CENPW: variants seen among roughly 807,000 people sequenced by gnomAD.
CENPW encodes cancer-up-regulated gene 2 protein.
Under a neutral mutation model 11.1 loss-of-function variants are expected in CENPW, and 3 were observed. The observed-to-expected ratio is 0.27, with a 90% CI of 0.12 to 0.70. CENPW has a LOEUF of 0.70. Among genes scored for constraint, CENPW ranks in the 30% least tolerant of loss-of-function variants. The probability of loss-of-function intolerance (pLI) is 0.77; values close to 1 mark genes in which losing one functional copy is unlikely to be tolerated. For synonymous variants in CENPW, 38 were observed against 42.0 expected (o/e 0.91, Z 0.37); for missense variants, 100 against 105.6 (o/e 0.95, Z 0.23).
chr6:126,401,120 A>G, the CENPW span, among the ~76,000 whole-genome samples: 1 of 152,126 alleles, frequency 6.6e-6, no homozygotes, highest in African/African-American at 2.4e-5. Context: ...GATAGCCAGA[A>G]TCTTGTGTAA....
At chr6:126,385,255 G>T in the CENPW span, among the ~76,000 whole-genome samples, 1,270 of 152,064 alleles carry the variant, frequency 8.4e-3, 13 homozygotes, top group African/African-American at 0.029. Context: ...CCCATTACTG[G>T]GTATATACCC....
the CENPW span, among the ~76,000 whole-genome samples, chr6:126,473,565 C>T: frequency 9.9e-5 from 15 of 151,596 alleles, no homozygotes; most frequent in Admixed American, 6.6e-5. Flanking sequence ...AACCTGTCTC[C>T]ACTAAAAATA....
chr6:126,450,993 G>A, the CENPW span, among the ~76,000 whole-genome samples: 1,746 of 150,794 alleles, frequency 0.012, 70 homozygotes, highest in Admixed American at 0.072. Context: ...ATGTAACCCA[G>A]AAGAAAAAGA....
the CENPW span, among the ~76,000 whole-genome samples, chr6:126,359,562 T>G: frequency 2.0e-5 from 3 of 152,272 alleles, no homozygotes; most frequent in African/African-American, 7.2e-5. Context: ...GTCTAAGTTT[T>G]TTCCTAGGTC....
At chr6:126,415,793 A>G in the CENPW span, among the ~76,000 whole-genome samples, 1 of 152,210 alleles carries the variant, frequency 6.6e-6, no homozygotes, top group Non-Finnish European at 1.5e-5. Context: ...CATGATTGTG[A>G]GGCCTCCCCA....
At chr6:126,374,079 A>T in the CENPW span, among the ~76,000 whole-genome samples, 1 of 152,192 alleles carries the variant, frequency 6.6e-6, no homozygotes, top group Non-Finnish European at 1.5e-5. Flanking sequence ...AGGTATAGAG[A>T]TCACAGGGAT....
chr6:126,454,329 G>A, the CENPW span, among the ~76,000 whole-genome samples: 7 of 151,022 alleles, frequency 4.6e-5, no homozygotes, highest in African/African-American at 1.7e-4. Flanking sequence ...CCATAAAACA[G>A]TCCTCAGCAA....
intron 2 of CENPW, 52 bp from the exon 3 acceptor site, chr6:126,348,414 T>C (rs1780449419): frequency 2.1e-6 from 2 of 956,966 alleles, no homozygotes; most frequent in African/African-American, 1.6e-5. Flanking sequence ...TAAGGAATGA[T>C]GTTTTATTTT....
At chr6:126,346,493 T>C (rs1293877213) in intron 2 of CENPW, among the ~76,000 whole-genome samples, 175 bp downstream of exon 2, 1 of 152,220 alleles carries the variant, frequency 6.6e-6, no homozygotes, top group East Asian at 1.9e-4. Flanking sequence ...ATGTATATTA[T>C]TAATTTCCAA....
the CENPW span, among the ~76,000 whole-genome samples, chr6:126,403,745 A>C: frequency 5.9e-5 from 9 of 152,164 alleles, no homozygotes; most frequent in African/African-American, 2.2e-4. Flanking sequence ...AAGATGAAAC[A>C]GTAAGTGCTG....
At chr6:126,359,690 C>T in the CENPW span, among the ~76,000 whole-genome samples, 2 of 151,114 alleles carry the variant, frequency 1.3e-5, no homozygotes, top group Admixed American at 1.3e-4. Flanking sequence ...CTTTGTCCTT[C>T]CTAATAGTTA....
chr6:126,464,639 G>A, the CENPW span, among the ~76,000 whole-genome samples: 2 of 152,126 alleles, frequency 1.3e-5, no homozygotes, highest in African/African-American at 4.8e-5. Flanking sequence ...TACACCAGTG[G>A]TTTACCAGGG....
chr6:126,394,956 G>A, the CENPW span, among the ~76,000 whole-genome samples: 1 of 151,672 alleles, frequency 6.6e-6, no homozygotes, highest in Non-Finnish European at 1.5e-5. Context: ...TATGTTATTT[G>A]CTTCTTTCTC....
the CENPW span, among the ~76,000 whole-genome samples, chr6:126,475,555 A>C: frequency 6.6e-5 from 10 of 152,042 alleles, no homozygotes; most frequent in Non-Finnish European, 1.3e-4. Context: ...TAGGTAAAAT[A>C]TTTGGTTTGT....
At chr6:126,442,392 C>T in the CENPW span, among the ~76,000 whole-genome samples, 77 of 151,324 alleles carry the variant, frequency 5.1e-4, no homozygotes, top group African/African-American at 1.7e-3. Context: ...TAAAAAGCTT[C>T]TGCACAGCAA....
the CENPW span, among the ~76,000 whole-genome samples, chr6:126,445,811 C>A: frequency 1.3e-5 from 2 of 151,078 alleles, no homozygotes; most frequent in African/African-American, 4.8e-5. Context: ...TTATAAAAGA[C>A]TCAGGAATGC....
the CENPW span, among the ~76,000 whole-genome samples, chr6:126,448,872 C>G: frequency 6.6e-6 from 1 of 151,028 alleles, no homozygotes; most frequent in Non-Finnish European, 1.5e-5. Context: ...GGTTAAGAAC[C>G]AATGAAGTGT....
chr6:126,360,507 C>A, the CENPW span, among the ~76,000 whole-genome samples: 1 of 152,058 alleles, frequency 6.6e-6, no homozygotes, highest in Non-Finnish European at 1.5e-5. Flanking sequence ...TGATATGTAA[C>A]CTCAAATATA....
chr6:126,399,861 A>G, the CENPW span, among the ~76,000 whole-genome samples: 18 of 152,070 alleles, frequency 1.2e-4, no homozygotes, highest in African/African-American at 4.1e-4. Flanking sequence ...TCTGATTTTT[A>G]TTACCATAGG....
Sources: allele counts gnomAD v4.1 joint callset (sites outside exome capture counted in the v4.1 genomes callset), GRCh38; gene constraint gnomAD v4.1.1; transcripts MANE v1.5; gene names NCBI Gene and HGNC (gene_info 2026-07-23, HGNC 2026-07-21).